TM2D3: variants seen among roughly 807,000 people sequenced by gnomAD.
TM2D3 encodes TM2 domain containing 3.
TM2D3 carries 33 observed loss-of-function variants against 27.3 expected under a neutral mutation model. The observed-to-expected ratio is 1.21, with a 90% CI of 0.92 to 1.61. The LOEUF is 1.61. Ranked by LOEUF, TM2D3 falls within the 40% of genes most tolerant of loss-of-function variation. The probability of loss-of-function intolerance (pLI) is 0.00; values close to 1 mark genes in which losing one functional copy is unlikely to be tolerated. For synonymous variants in TM2D3, 138 were observed against 122.2 expected (o/e 1.13, Z -0.85); for missense variants, 364 against 320.8 (o/e 1.13, Z -1.03).
downstream of TM2D3, among the ~76,000 whole-genome samples, chr15:101,638,544 C>T (rs565942577): frequency 1.3e-5 from 2 of 152,206 alleles, no homozygotes; most frequent in East Asian, 1.9e-4. Flanking sequence ...GTGATCTGCC[C>T]GCCTCGGACT....
At chr15:101,633,631 C>A (rs1479546329) in exon 5 of TM2D3, 2 of 1,479,742 alleles carry the variant, frequency 1.4e-6, no homozygotes, top group African/African-American at 1.4e-5. Flanking sequence ...ACTTCTCATG[C>A]TCTTCTTCTC....
chr15:101,639,278 C>T (rs968702510), downstream of TM2D3, among the ~76,000 whole-genome samples: 1 of 152,120 alleles, frequency 6.6e-6, no homozygotes, highest in African/African-American at 2.4e-5. Flanking sequence ...AATGTGTCTA[C>T]CCCCTAACAT....
downstream of TM2D3, among the ~76,000 whole-genome samples, chr15:101,639,060 T>C (rs1167072120): frequency 6.6e-6 from 1 of 152,196 alleles, no homozygotes; most frequent in Non-Finnish European, 1.5e-5. Context: ...TCAAAGCGTA[T>C]TTTGCATAAA....
intron 3 of TM2D3, among the ~76,000 whole-genome samples, chr15:101,647,807 G>A (rs1896854444): frequency 6.6e-6 from 1 of 152,036 alleles, no homozygotes; most frequent in Non-Finnish European, 1.5e-5. Context: ...ACATTGCAGT[G>A]CATATTTTTC....
At chr15:101,647,641 T>C (rs1896849382) in intron 3 of TM2D3, among the ~76,000 whole-genome samples, 1 of 152,234 alleles carries the variant, frequency 6.6e-6, no homozygotes, top group Non-Finnish European at 1.5e-5. Context: ...GTTCTTTGTA[T>C]GTTACATATT....
chr15:101,648,468 T>G (rs1461857915), intron 3 of TM2D3, among the ~76,000 whole-genome samples: 1 of 152,214 alleles, frequency 6.6e-6, no homozygotes, highest in Non-Finnish European at 1.5e-5. Context: ...CTTTTTTTAA[T>G]GGTTTTTTAA....
At chr15:101,633,048 T>A (rs1896483307) in exon 5 of TM2D3, 1 of 152,192 alleles carries the variant, frequency 6.6e-6, no homozygotes, top group Admixed American at 6.5e-5. Context: ...AGAAAAACTG[T>A]CACCCAGAAT....
At chr15:101,643,599 TAAAAA>T (rs1158728522) in intron 5 of TM2D3, among the ~76,000 whole-genome samples, 4 of 47,342 alleles carry the variant, frequency 8.4e-5, no homozygotes, top group African/African-American at 2.4e-4. Flanking sequence ...GAGACTCCGT[TAAAAA>T]AAAAAAAAAA....
At chr15:101,638,298 C>CTT (rs572960993), downstream of TM2D3, among the ~76,000 whole-genome samples, 10 of 145,192 alleles carry the variant, frequency 6.9e-5, no homozygotes, top group African/African-American at 1.8e-4. Flanking sequence ...ACCCCCCCAC[C>CTT]TTTTTTTTTT....
downstream of TM2D3, among the ~76,000 whole-genome samples, chr15:101,641,670 A>G (rs1001924636): frequency 1.6e-4 from 24 of 152,236 alleles, no homozygotes; most frequent in Non-Finnish European, 1.8e-4. Flanking sequence ...TAAAGGGTCT[A>G]TAACAGATCT....
At chr15:101,633,468 T>C in exon 5 of TM2D3, 1 of 452,864 alleles carries the variant, frequency 2.2e-6, no homozygotes. Context: ...TTCAATTCCT[T>C]GCAGTTGTAG....
chr15:101,651,970 G>A, intron 1 of TM2D3, 197 bp from the exon 2 acceptor site: 4 of 610,348 alleles, frequency 6.6e-6, no homozygotes, highest in East Asian at 2.9e-5. Context: ...AGCCGGCAAC[G>A]AGGGACCGAA....
chr15:101,634,229 T>A (rs1282560208), intron 4 of TM2D3: 1 of 151,960 alleles, frequency 6.6e-6, no homozygotes, highest in African/African-American at 2.4e-5. Flanking sequence ...AGGCCAGGAG[T>A]TCAAGACCAG....
Position 101,642,652 on chromosome 15 carries a change from G to A in TM2D3, c.579-8C>T. The A allele has an allele frequency of 6.3e-7, 1 of 1,589,146 alleles. No individual in the cohort carries two copies. ...AACCCACCGAGGGTGATGCTGCGAT[G>A]GCAAACAGACAGGATTCCATGAGAC... On this transcript the variant is annotated splice_region_variant and splice_polypyrimidine_tract_variant and intron_variant, in intron 5 of 5. Coordinates refer to ENST00000333202, the MANE Select transcript of TM2D3 (RefSeq NM_078474.3).
chr15:101,650,325 C>T, intron 2 of TM2D3, 164 bp from the exon 3 acceptor site: 1 of 618,498 alleles, frequency 1.6e-6, no homozygotes, highest in Non-Finnish European at 2.6e-6. Flanking sequence ...AAGCAGAATT[C>T]TGCCCACGGC....
chr15:101,650,227 C>G (rs570996499), intron 2 of TM2D3, 66 bp from the exon 3 acceptor site: 20 of 1,521,590 alleles, frequency 1.3e-5, no homozygotes, highest in African/African-American at 1.1e-4. Flanking sequence ...GAACAATCTT[C>G]TAAGGTTAAG....
chr15:101,646,153 T>C (rs1334372671), intron 4 of TM2D3: 1 of 153,310 alleles, frequency 6.5e-6, no homozygotes, highest in Non-Finnish European at 1.5e-5. Context: ...AATAGATTAT[T>C]ACACAGAAGT....
intron 4 of TM2D3, chr15:101,633,921 T>C (rs554233334): frequency 8.9e-6 from 4 of 447,846 alleles, no homozygotes; most frequent in Non-Finnish European, 1.6e-5. Flanking sequence ...ACAAGAATTT[T>C]AAAGCAACTA....
At chr15:101,649,369 T>C (rs1896907841) in intron 3 of TM2D3, among the ~76,000 whole-genome samples, 1 of 152,222 alleles carries the variant, frequency 6.6e-6, no homozygotes, top group Non-Finnish European at 1.5e-5. Flanking sequence ...TTCTTTATTT[T>C]ATGGCTTCTA....
Sources: allele counts gnomAD v4.1 joint callset (sites outside exome capture counted in the v4.1 genomes callset), GRCh38; gene constraint gnomAD v4.1.1; transcripts MANE v1.5; gene names NCBI Gene and HGNC (gene_info 2026-07-23, HGNC 2026-07-21).